RANBP9: variants seen among roughly 807,000 people sequenced by gnomAD.
The protein encoded by RANBP9 is RAN binding protein 9.
In RANBP9, 15 loss-of-function variants were observed where a neutral mutation model predicts 84.3. The ratio of observed to expected loss-of-function variants is 0.18; its 90% CI spans 0.12 to 0.27. The LOEUF is 0.27. Ranked by LOEUF, RANBP9 falls within the 10% of genes least tolerant of loss-of-function variation. The pLI, the probability that RANBP9 is intolerant of heterozygous loss-of-function variation, is 1.00. For synonymous variants in RANBP9, 392 were observed against 349.6 expected, an observed-to-expected ratio of 1.12 and a Z score of -1.35; for missense variants, 809 against 912.8, an observed-to-expected ratio of 0.89 and a Z score of 1.46.
At chr6:13,666,600 C>CAAAAAAAAAAAAAAAAAAAAAAAAAAAAA (rs70989878) in intron 2 of RANBP9, among the ~76,000 whole-genome samples, 3 of 43,696 alleles carry the variant, frequency 6.9e-5, no homozygotes, top group African/African-American at 1.5e-4. Context: ...CCCGTCTCTC[C>CAAAAAAAAAAAAAAAAAAAAAAAAAAAAA]AAAAAAAAAA....
At chr6:13,681,839 C>T (rs759127710) in intron 2 of RANBP9, among the ~76,000 whole-genome samples, 2 of 151,822 alleles carry the variant, frequency 1.3e-5, no homozygotes, top group East Asian at 1.9e-4. Flanking sequence ...AAAAGGATGA[C>T]GTGAACCTTC....
intron 4 of RANBP9, among the ~76,000 whole-genome samples, chr6:13,654,508 T>C (rs912140855): frequency 2.6e-5 from 4 of 152,204 alleles, no homozygotes; most frequent in East Asian, 3.8e-4. Context: ...GTATCAAGTT[T>C]TGGGCACAGA....
chr6:13,677,741 A>C (rs563773318), intron 2 of RANBP9, among the ~76,000 whole-genome samples: 62 of 152,296 alleles, frequency 4.1e-4, no homozygotes, highest in African/African-American at 1.4e-3. Flanking sequence ...TTCAACCATC[A>C]TAAGTGAAAT....
intron 2 of RANBP9, among the ~76,000 whole-genome samples, chr6:13,667,679 A>G (rs530850650): frequency 6.8e-4 from 104 of 152,302 alleles, no homozygotes; most frequent in African/African-American, 2.3e-3. Flanking sequence ...TTGTAACACA[A>G]TAACAAGCTA....
At chr6:13,654,686 C>A (rs1765362504) in intron 4 of RANBP9, among the ~76,000 whole-genome samples, 1 of 152,184 alleles carries the variant, frequency 6.6e-6, no homozygotes, top group Admixed American at 6.5e-5. Context: ...TCCAACTCTG[C>A]CACTGTAACA....
At chr6:13,700,737 GCTCAAGACCCAGAGT>G (rs1415936370) in intron 1 of RANBP9, among the ~76,000 whole-genome samples, 1 of 152,124 alleles carries the variant, frequency 6.6e-6, no homozygotes, top group African/African-American at 2.4e-5. Context: ...AGAAGCAAAA[GCTCAAGACCCAGAGT>G]CTAAAGCTGC....
At position 13,637,959 on chromosome 6, in the gene RANBP9, A is replaced by G. The variant is rs757338313; in HGVS notation, c.1526-4T>C. 1 of 1,589,348 alleles carries G rather than the reference A, an allele frequency of 6.3e-7. No individual in the cohort carries two copies. The highest frequency in any genetic ancestry group is 1.2e-5 in the South Asian group (1 of 86,918). ...CCATTACTACAACTTTCAAAACCTG[A>G]AGAAAAAGATACCACGTAGAAACAG... On this transcript the variant is annotated splice_polypyrimidine_tract_variant and splice_region_variant and intron_variant, in intron 9 of 13. Coordinates refer to ENST00000011619, the MANE Select transcript of RANBP9 (RefSeq NM_005493.3).
intron 2 of RANBP9, among the ~76,000 whole-genome samples, chr6:13,660,547 C>T (rs1347472026): frequency 1.3e-5 from 2 of 152,128 alleles, no homozygotes; most frequent in African/African-American, 4.8e-5. Flanking sequence ...AAAAGGAGGA[C>T]AACCTTTCTA....
intron 2 of RANBP9, among the ~76,000 whole-genome samples, chr6:13,677,673 T>A (rs959600584): frequency 2.6e-5 from 4 of 152,200 alleles, no homozygotes; most frequent in African/African-American, 7.2e-5. Flanking sequence ...CTTAAACATT[T>A]AAGCTTATGA....
At chr6:13,650,182 G>A (rs1394428351) in intron 5 of RANBP9, among the ~76,000 whole-genome samples, 1 of 141,368 alleles carries the variant, frequency 7.1e-6, no homozygotes, top group African/African-American at 2.6e-5. Flanking sequence ...TTTTTTTTTA[G>A]TAGAGGTGAG....
At chr6:13,696,552 C>T (rs1365622734) in intron 2 of RANBP9, among the ~76,000 whole-genome samples, 1 of 152,112 alleles carries the variant, frequency 6.6e-6, no homozygotes, top group Non-Finnish European at 1.5e-5. Flanking sequence ...ATTCCAAATT[C>T]TCCATTTTAA....
intron 13 of RANBP9, among the ~76,000 whole-genome samples, chr6:13,624,715 G>A (rs997120355): frequency 6.6e-6 from 1 of 152,096 alleles, no homozygotes; most frequent in Non-Finnish European, 1.5e-5. Flanking sequence ...AACGAACATC[G>A]AATTAGCGTT....
At chr6:13,696,000 G>A (rs1014977233) in intron 2 of RANBP9, among the ~76,000 whole-genome samples, 3 of 151,170 alleles carry the variant, frequency 2.0e-5, no homozygotes, top group Non-Finnish European at 4.4e-5. Flanking sequence ...ACTGCTTTAA[G>A]AGACCTCTGA....
At chr6:13,698,280 A>G (rs1757888285) in intron 1 of RANBP9, among the ~76,000 whole-genome samples, 1 of 152,216 alleles carries the variant, frequency 6.6e-6, no homozygotes, top group Non-Finnish European at 1.5e-5. Context: ...CAAGACAAAA[A>G]TGGAAGCAAC....
At chr6:13,623,487 CAA>C (rs1306453925) in intron 13 of RANBP9, among the ~76,000 whole-genome samples, 3 of 152,072 alleles carry the variant, frequency 2.0e-5, no homozygotes, top group Non-Finnish European at 4.4e-5. Context: ...GAAGAGAAAA[CAA>C]AAACAGGATT....
intron 3 of RANBP9, 106 bp downstream of exon 3, chr6:13,658,674 A>C: frequency 1.0e-6 from 1 of 976,430 alleles, no homozygotes; most frequent in Non-Finnish European, 1.6e-6. Context: ...GATGATTAAA[A>C]ACACAGAAAA....
At chr6:13,701,369 A>C (rs1168505065) in intron 1 of RANBP9, among the ~76,000 whole-genome samples, 1 of 152,218 alleles carries the variant, frequency 6.6e-6, no homozygotes, top group Admixed American at 6.5e-5. Flanking sequence ...AAATGTTGTC[A>C]GCTTATTCCC....
rs137920092 is a variant in RANBP9 at position 13,668,386 on chromosome 6, T to C, written c.684-9554A>G. Among the ~76,000 whole-genome samples, 575 of 152,138 alleles carry C rather than the reference T, an allele frequency of 3.8e-3. 3 individuals are homozygous for C. Among genetic ancestry groups the C allele is most frequent in the African/African-American group, 0.013 (560 of 41,536 alleles). On this transcript the variant is annotated intron_variant, in intron 2 of 13. Transcript: ENST00000011619. ...AACTCATTCTACAAAGCCAGTACTA[T>C]CTTGTTACCAAAACTAGATAAAGGC...
rs1766299231 is a variant in RANBP9, at chr6:13,690,552, CAG to C, written c.683+6231_683+6232del. 2.6e-5 allele frequency among the ~76,000 whole-genome samples: 4 copies of C among 152,254 alleles called. No homozygotes were observed. In the South Asian group the frequency reaches 8.3e-4, roughly 32 times the overall value. On this transcript the variant is annotated intron_variant, in intron 2 of 13. Transcript: ENST00000011619. ...TCAGCAGAAGAATTTAGGAACAGAA[CAG>C]AGAGACTGAATTACTTGCCAGTTCT...
Sources: allele counts gnomAD v4.1 joint callset (sites outside exome capture counted in the v4.1 genomes callset), GRCh38; gene constraint gnomAD v4.1.1; transcripts MANE v1.5; gene names NCBI Gene and HGNC (gene_info 2026-07-23, HGNC 2026-07-21).